The following PPP1R12B variants were observed in gnomAD, a reference collection of about 807,000 sequenced individuals.
PPP1R12B encodes the protein myosin phosphatase target subunit 2.
Under a neutral mutation model 126.1 loss-of-function variants are expected in PPP1R12B, and 76 were observed. The observed-to-expected ratio is 0.60, with a 90% confidence interval of 0.50 to 0.73. PPP1R12B has a LOEUF of 0.73. Ranked by LOEUF, PPP1R12B falls within the 30% of genes least tolerant of loss-of-function variation. PPP1R12B has a pLI of 0.00. For missense variants in PPP1R12B, 1,052 were observed against 1,205.1 expected (o/e 0.87, Z 1.88); for synonymous variants, 356 against 434.7 (o/e 0.82, Z 2.25).
At chr1:202,402,697 G>A (rs1451026963) in intron 1 of PPP1R12B, among the ~76,000 whole-genome samples, 1 of 152,184 alleles carries the variant, frequency 6.6e-6, no homozygotes, top group Non-Finnish European at 1.5e-5. Flanking sequence ...GCTGAGGTCA[G>A]AGCAATGTAG....
chr1:202,528,948 A>G (rs1368264098), intron 18 of PPP1R12B, among the ~76,000 whole-genome samples: 1 of 152,120 alleles, frequency 6.6e-6, no homozygotes, highest in Non-Finnish European at 1.5e-5. Flanking sequence ...ATCTCTCCCG[A>G]CAGAACCTTA....
chr1:202,579,861 G>T (rs1689430087), intron 23 of PPP1R12B, among the ~76,000 whole-genome samples: 1 of 152,138 alleles, frequency 6.6e-6, no homozygotes, highest in Admixed American at 6.5e-5. Context: ...TAAGTTTTCT[G>T]AGTTTTAATT....
intron 1 of PPP1R12B, among the ~76,000 whole-genome samples, chr1:202,358,557 C>A (rs1657546851): frequency 6.6e-6 from 1 of 152,080 alleles, no homozygotes; most frequent in South Asian, 2.1e-4. Flanking sequence ...TCGCACGCGC[C>A]TGTTGTCCCA....
At chr1:202,431,456 C>A in intron 7 of PPP1R12B, 24 bp from the exon 8 acceptor site, 12 of 1,570,422 alleles carry the variant, frequency 7.6e-6, no homozygotes, top group Non-Finnish European at 9.5e-6. Context: ...CTGAATTATA[C>A]TCAAGTTGTC....
In PPP1R12B at chr1:202,587,340, TACCAACCA is replaced by T. The variant is rs1689877170; in HGVS notation, c.*6781_*6788del. 6.6e-6 allele frequency: 1 copy of T among 152,170 alleles called. No homozygotes were observed. Among genetic ancestry groups the T allele is most frequent in the Admixed American group, 6.6e-5 (1 of 15,262 alleles). The allele number at this position is 152,170 out of a possible 1,614,324, so 9.4% of individuals were successfully genotyped here. On this transcript the variant is annotated 3_prime_UTR_variant, in exon 24 of 24. Transcript: ENST00000608999. ...CCAAGATTCCTGTAGAAGTTGGGTA[TACCAACCA>T]CCACCACCACCGCCCCCTATTCCAG...
chr1:202,543,514 C>T (rs952079073), intron 18 of PPP1R12B, among the ~76,000 whole-genome samples: 7 of 152,218 alleles, frequency 4.6e-5, no homozygotes, highest in Non-Finnish European at 7.4e-5. Flanking sequence ...GCTGAAGCCT[C>T]GTGGACCACG....
Position 202,569,131 on chromosome 1 carries a change from C to T in PPP1R12B, c.2812-16C>T, listed in dbSNP as rs1224785780. ...TGAATTCAATAATGTTCAACAGTCT[C>T]ATTGTTCCGAAACAGGAGAGGCGAG... On this transcript the variant is annotated splice_polypyrimidine_tract_variant and intron_variant, in intron 22 of 23. Transcript: ENST00000608999. The T allele has an allele frequency of 5.0e-6, 8 of 1,611,782 alleles. No individual in the cohort carries two copies. The highest frequency in any genetic ancestry group is 2.2e-5 in the South Asian group (2 of 91,010).
rs530834513 is a variant in PPP1R12B, at chr1:202,439,515, G to C, written c.1459-1191G>C. 1.5e-5 allele frequency: 23 copies of C among 1,535,028 alleles called. No homozygotes were observed. In the East Asian group the frequency reaches 5.1e-4, roughly 34 times the overall value. On this transcript the variant is annotated intron_variant, in intron 10 of 23. Coordinates refer to ENST00000608999, the MANE Select transcript of PPP1R12B (RefSeq NM_002481.4). Reference sequence around the variant, plus strand: ...ATGGAAGTGGCTGTTTGGGGCGACTGCTGTTGCCTTGGGGGGTGTGGCGCT... The same window carrying C: ...ATGGAAGTGGCTGTTTGGGGCGACTCCTGTTGCCTTGGGGGGTGTGGCGCT...
intron 1 of PPP1R12B, among the ~76,000 whole-genome samples, chr1:202,364,793 A>C (rs564035176): frequency 6.6e-6 from 1 of 151,940 alleles, no homozygotes; most frequent in Admixed American, 6.6e-5. Flanking sequence ...AGCCAGGATG[A>C]TCTCGATCTC....
chr1:202,426,110 G>C (rs901546676), intron 4 of PPP1R12B, among the ~76,000 whole-genome samples: 14 of 152,146 alleles, frequency 9.2e-5, no homozygotes, highest in Non-Finnish European at 1.5e-5. Flanking sequence ...TAATTATATA[G>C]ATCTTGAGTA....
chr1:202,569,997 A>G lies in PPP1R12B; in HGVS notation c.2862+800A>G, dbSNP rs547703517. 1.7e-4 allele frequency among the ~76,000 whole-genome samples: 26 copies of G among 152,316 alleles called. 2 individuals are homozygous for G. The South Asian group carries it at 4.6e-3, about 27-fold the overall frequency. On this transcript the variant is annotated intron_variant, in intron 23 of 23. Coordinates refer to ENST00000608999, the MANE Select transcript of PPP1R12B (RefSeq NM_002481.4). ...AGATGGATACAGAGCTGCAGGGAAT[A>G]TAGAGCTGGTCAGGGTAGCCACCTG...
chr1:202,490,245 A>T (rs962740516), intron 14 of PPP1R12B, among the ~76,000 whole-genome samples: 5 of 152,224 alleles, frequency 3.3e-5, no homozygotes, highest in African/African-American at 1.2e-4. Flanking sequence ...TCCAGTGAAA[A>T]GGAGAAGTTC....
intron 1 of PPP1R12B, among the ~76,000 whole-genome samples, chr1:202,389,566 G>A (rs557942953): frequency 5.9e-5 from 9 of 151,672 alleles, no homozygotes; most frequent in South Asian, 2.1e-4. Context: ...GCGTGAACCC[G>A]GGAGGTGGAG....
intron 18 of PPP1R12B, among the ~76,000 whole-genome samples, chr1:202,536,362 A>T (rs746149079): frequency 1.3e-5 from 2 of 152,230 alleles, no homozygotes; most frequent in Non-Finnish European, 2.9e-5. Flanking sequence ...GAGCTGGAAC[A>T]TGATAAGTAT....
At chr1:202,379,141 A>C (rs1471351565) in intron 1 of PPP1R12B, among the ~76,000 whole-genome samples, 2 of 152,168 alleles carry the variant, frequency 1.3e-5, no homozygotes, top group East Asian at 3.8e-4. Flanking sequence ...AGACATCTTG[A>C]TGTAGATGTC....
At chr1:202,352,495 G>T (rs2148367912) in intron 1 of PPP1R12B, among the ~76,000 whole-genome samples, 1 of 152,196 alleles carries the variant, frequency 6.6e-6, no homozygotes, top group Admixed American at 6.5e-5. Context: ...AGGGATGCTG[G>T]ATTTCAGTCA....
chr1:202,514,684 T>G (rs1282861213), intron 18 of PPP1R12B, among the ~76,000 whole-genome samples: 1 of 152,196 alleles, frequency 6.6e-6, no homozygotes, highest in African/African-American at 2.4e-5. Flanking sequence ...GAATAGGAAG[T>G]CTTTTCCCCA....
In PPP1R12B at chr1:202,543,713, G is replaced by A. The variant is rs183502955; in HGVS notation, c.2491-15164G>A. Among the ~76,000 whole-genome samples the A allele has an allele frequency of 3.1e-3, 472 of 152,206 alleles. 1 individual carries two copies. The highest frequency in any genetic ancestry group is 6.8e-3 in the Middle Eastern group (2 of 294). ...GATTGCACCATTGCACTCCAGCCTG[G>A]GCAACAAGAGCGAAACTCCGTCTAT... On this transcript the variant is annotated intron_variant, in intron 18 of 23. Coordinates refer to ENST00000608999, the MANE Select transcript of PPP1R12B (RefSeq NM_002481.4).
At chr1:202,356,172 C>A (rs1202086799) in intron 1 of PPP1R12B, among the ~76,000 whole-genome samples, 1 of 152,110 alleles carries the variant, frequency 6.6e-6, no homozygotes, top group African/African-American at 2.4e-5. Flanking sequence ...CAGAGCAGAG[C>A]AAGACTGTGT....
Sources: allele counts gnomAD v4.1 joint callset (sites outside exome capture counted in the v4.1 genomes callset), GRCh38; gene constraint gnomAD v4.1.1; transcripts MANE v1.5; gene names NCBI Gene and HGNC (gene_info 2026-07-23, HGNC 2026-07-21).